TRIM62: variants seen among roughly 807,000 people sequenced by gnomAD.
The protein encoded by TRIM62 is E3 ubiquitin-protein ligase TRIM62.
Under a neutral mutation model 44.2 loss-of-function variants are expected in TRIM62, and 39 were observed. That is an observed-to-expected ratio of 0.88 (90% CI 0.68 to 1.15). The LOEUF is 1.15. Ranked by LOEUF, TRIM62 falls within the 50% of genes most tolerant of loss-of-function variation. The probability of loss-of-function intolerance (pLI) is 0.00; values close to 1 mark genes in which losing one functional copy is unlikely to be tolerated. For synonymous variants in TRIM62, 278 were observed against 292.3 expected (o/e 0.95, Z 0.50); for missense variants, 544 against 665.5 (o/e 0.82, Z 2.01).
intron 1 of TRIM62, among the ~76,000 whole-genome samples, chr1:33,176,813 T>C (rs1185895563): frequency 6.6e-6 from 1 of 152,172 alleles, no homozygotes; most frequent in Non-Finnish European, 1.5e-5. Flanking sequence ...TCTTCATCAG[T>C]AGAAGAAATA....
chr1:33,149,740 C>A (rs1271748127), intron 4 of TRIM62, among the ~76,000 whole-genome samples: 4 of 152,230 alleles, frequency 2.6e-5, no homozygotes, highest in Non-Finnish European at 5.9e-5. Flanking sequence ...TAGGTGTGAG[C>A]CACTGCACCT....
At chr1:33,173,440 TG>T (rs1001212448) in intron 1 of TRIM62, among the ~76,000 whole-genome samples, 44 of 152,186 alleles carry the variant, frequency 2.9e-4, no homozygotes, top group African/African-American at 9.9e-4. Flanking sequence ...TATGTGTGTA[TG>T]TGTGTGTGTG....
chr1:33,176,559 G>T, intron 1 of TRIM62: 1 of 601,456 alleles, frequency 1.7e-6, no homozygotes, highest in African/African-American at 1.8e-5. Flanking sequence ...GACGGCCAGA[G>T]AGCCGGATGC....
intron 2 of TRIM62, chr1:33,164,410 T>G (rs1230875018): frequency 1.3e-5 from 2 of 152,344 alleles, no homozygotes; most frequent in Non-Finnish European, 1.5e-5. Flanking sequence ...TCACTCTGTA[T>G]AGTGGGGACT....
Position 33,159,623 on chromosome 1 carries a change from C to T in TRIM62, c.761+65G>A. The T allele has an allele frequency of 3.9e-6, 6 of 1,535,640 alleles. No homozygotes were observed. The highest frequency in any genetic ancestry group is 5.2e-6 in the Non-Finnish European group (6 of 1,144,258). On this transcript the variant is annotated intron_variant, in intron 3 of 4. Transcript: ENST00000291416. This position sits in a 1 kb window ranked among gnomAD's most constrained non-coding sequence, Gnocchi z 4.2. ...TAAGGATCCCATCTGCCTCCACTCC[C>T]ACTGCCCAGCATGGGTCGAGGAGGG...
rs1473120271 is a variant in TRIM62 at position 33,147,288 on chromosome 1, G to A, written c.1317C>T (p.Tyr439=). ...FYNADDMSWL[Y]TFREKFPGKL... is the part of the protein sequence containing the mutation. ...TGCCAGGGAACTTCTCGCGGAAGGT[G>A]TAGAGCCAGGACATGTCATCAGCAT... Residue 439 remains tyrosine, a synonymous_variant, in exon 5 of 5, where the codon TAC becomes TAT. Transcript: ENST00000291416. The surrounding 1 kb of genome is among the most constrained non-coding windows in gnomAD (Gnocchi z 8.1). The A allele has an allele frequency of 6.2e-7, 1 of 1,614,216 alleles. No individual in the cohort carries two copies.
At chr1:33,176,278 C>A (rs1645418208) in intron 1 of TRIM62, 1 of 509,036 alleles carries the variant, frequency 2.0e-6, no homozygotes. Flanking sequence ...ACTTCCATTT[C>A]TCAGATTGGG....
At chr1:33,160,386 C>T (rs1268186519) in intron 2 of TRIM62, among the ~76,000 whole-genome samples, 1 of 151,844 alleles carries the variant, frequency 6.6e-6, no homozygotes, top group Non-Finnish European at 1.5e-5. Flanking sequence ...ATAGTGAAGT[C>T]TTTATTTTTT....
At position 33,181,622 on chromosome 1, in the gene TRIM62, G is replaced by T; in HGVS notation, c.-190C>A. Reference sequence around the variant, plus strand: ...ACGCGAGGAAGGGGTGCGCGGCTGAGACTCCGTGGGACGCCAGCCCGGGAG... The same window carrying T: ...ACGCGAGGAAGGGGTGCGCGGCTGATACTCCGTGGGACGCCAGCCCGGGAG... On this transcript the variant is annotated 5_prime_UTR_variant, in exon 1 of 5. Transcript: ENST00000291416. This position sits in a 1 kb window ranked among gnomAD's most constrained non-coding sequence, Gnocchi z 6.5. 9.3e-7 allele frequency: 1 copy of T among 1,072,148 alleles called. No individual in the cohort carries two copies. Among genetic ancestry groups the T allele is most frequent in the Non-Finnish European group, 1.3e-6 (1 of 782,702 alleles). The allele number at this position is 1,072,148 out of a possible 1,614,324, so 66.4% of individuals were successfully genotyped here.
intron 1 of TRIM62, chr1:33,176,544 C>A (rs773463434): frequency 6.4e-6 from 4 of 624,984 alleles, no homozygotes; most frequent in Admixed American, 4.3e-5. Context: ...GGGTTAGGAA[C>A]CTGAGACGGC....
rs543211955 is a variant in TRIM62, at chr1:33,176,265, C to T, written c.408+4760G>A. On this transcript the variant is annotated intron_variant, in intron 1 of 4. Transcript: ENST00000291416. ...TATACAGAAAGCAGGAGGGCTAGTT[C>T]TTACTTCCATTTCTCAGATTGGGTA... 1.2e-5 allele frequency: 6 copies of T among 500,442 alleles called. No homozygotes were observed. The South Asian group carries it at 1.2e-4, about 10-fold the overall frequency. 31.0% of individuals were successfully genotyped at this position (500,442 alleles called of 1,614,324 possible).
chr1:33,173,075 A>G (rs1206949577), intron 1 of TRIM62, among the ~76,000 whole-genome samples: 4 of 152,084 alleles, frequency 2.6e-5, no homozygotes, highest in Non-Finnish European at 5.9e-5. Flanking sequence ...GACCGTGACA[A>G]ACTTGAACTT....
chr1:33,181,680 A>G lies in TRIM62; in HGVS notation c.-248T>C, dbSNP rs1294949062. 5.1e-6 allele frequency: 3 copies of G among 586,084 alleles called. No homozygotes were observed. The highest frequency in any genetic ancestry group is 3.5e-5 in the East Asian group (1 of 28,520). 36.3% of individuals were successfully genotyped at this position (586,084 alleles called of 1,614,324 possible). A position where few individuals can be genotyped will look rare whatever the true frequency, so the allele number is the denominator to read the frequency against. On this transcript the variant is annotated 5_prime_UTR_variant, in exon 1 of 5. Coordinates refer to ENST00000291416, the MANE Select transcript of TRIM62 (RefSeq NM_018207.3). The surrounding 1 kb of genome is among the most constrained non-coding windows in gnomAD (Gnocchi z 6.5). ...TAGAGGTAGTGGGCAGCTCAAGGCG[A>G]TGGGCGCTGGGAGGAGGCTGTGAGC...
chr1:33,163,626 C>T (rs1362362160), intron 2 of TRIM62: 1 of 152,296 alleles, frequency 6.6e-6, no homozygotes, highest in Admixed American at 6.5e-5. Flanking sequence ...TTGGAACACC[C>T]TAGGGCCTGG....
chr1:33,168,646 A>T (rs1645349394), intron 1 of TRIM62, among the ~76,000 whole-genome samples: 1 of 152,204 alleles, frequency 6.6e-6, no homozygotes. Context: ...CTAACAGCTG[A>T]AAGTCATTCC....
intron 1 of TRIM62, among the ~76,000 whole-genome samples, chr1:33,175,538 G>T (rs948150023): frequency 6.6e-6 from 1 of 152,198 alleles, no homozygotes; most frequent in Non-Finnish European, 1.5e-5. Flanking sequence ...AATGGGGAGC[G>T]TGTCAACCAG....
chr1:33,159,816 G>A lies in TRIM62; in HGVS notation c.633C>T (p.Ile211=), dbSNP rs78613367. Reference sequence around the variant, plus strand: ...GGCTGTAGCGCTGGACTTTCTGCTCGATGTCGGTCAGCGTGCGGGCCGTGT... The same window carrying A: ...GGCTGTAGCGCTGGACTTTCTGCTCAATGTCGGTCAGCGTGCGGGCCGTGT... ...EADTARTLTD[I]EQKVQRYSQQ... Residue 211 remains isoleucine (I), a synonymous_variant, in exon 3 of 5, where the codon ATC becomes ATT. Coordinates refer to ENST00000291416, the MANE Select transcript of TRIM62 (RefSeq NM_018207.3). The surrounding 1 kb of genome is among the most constrained non-coding windows in gnomAD (Gnocchi z 4.2). 257 of 1,613,862 alleles carry A rather than the reference G, an allele frequency of 1.6e-4. No homozygotes were observed. In the African/African-American group the frequency reaches 2.5e-3, roughly 16 times the overall value.
intron 1 of TRIM62, among the ~76,000 whole-genome samples, chr1:33,169,104 G>A (rs1361906401): frequency 1.3e-5 from 2 of 152,214 alleles, no homozygotes; most frequent in Non-Finnish European, 2.9e-5. Flanking sequence ...CAAGGATGGG[G>A]AGAGATGAGG....
Position 33,146,037 on chromosome 1 carries a change from C to A in TRIM62, c.*1140G>T. On this transcript the variant is annotated 3_prime_UTR_variant, in exon 5 of 5. Transcript: ENST00000291416. ...CCGTGGCAGAGGGAGCCTAGTTCTG[C>A]AGTCAGCAGCTTTCTGGCATAGTGG... 2.6e-6 allele frequency: 1 copy of A among 385,094 alleles called. No homozygotes were observed. Among genetic ancestry groups the A allele is most frequent in the Non-Finnish European group, 5.3e-6 (1 of 188,134 alleles). The allele number at this position is 385,094 out of a possible 1,614,324, so 23.9% of individuals were successfully genotyped here. A position where few individuals can be genotyped will look rare whatever the true frequency, so the allele number is the denominator to read the frequency against.
Sources: allele counts gnomAD v4.1 joint callset (sites outside exome capture counted in the v4.1 genomes callset), GRCh38; gene constraint gnomAD v4.1.1; non-coding constraint Gnocchi (gnomAD v3.1); transcripts MANE v1.5; gene names NCBI Gene and HGNC (gene_info 2026-07-23, HGNC 2026-07-21).